SLC14A2: variants seen among roughly 807,000 people sequenced by gnomAD.
SLC14A2 encodes solute carrier family 14 member 2, also known as urea transporter 2.
In SLC14A2, 91 loss-of-function variants were observed where a neutral mutation model predicts 104.6. The observed-to-expected ratio is 0.87, with a 90% confidence interval of 0.73 to 1.04. SLC14A2 has a LOEUF of 1.04. Among genes scored for constraint, SLC14A2 ranks in the 50% least tolerant of loss-of-function variants. The pLI is 0.00. For synonymous variants in SLC14A2, 476 were observed against 466.4 expected, an observed-to-expected ratio of 1.02 and a Z score of -0.27; for missense variants, 1,189 against 1,156.0, an observed-to-expected ratio of 1.03 and a Z score of -0.41.
At chr18:45,190,531 G>A in the SLC14A2 span, among the ~76,000 whole-genome samples, 1 of 152,106 alleles carries the variant, frequency 6.6e-6, no homozygotes, top group South Asian at 2.1e-4. Flanking sequence ...TTGGGTTTGA[G>A]GATTAGCATT....
intron 1 of SLC14A2, among the ~76,000 whole-genome samples, chr18:45,422,979 A>T (rs1016706206): frequency 3.9e-5 from 6 of 152,000 alleles, no homozygotes; most frequent in African/African-American, 1.5e-4. Context: ...TTCTTCCACT[A>T]TCTTACTTTT....
chr18:45,580,888 A>C (rs1344819553), intron 2 of SLC14A2, among the ~76,000 whole-genome samples: 1 of 152,188 alleles, frequency 6.6e-6, no homozygotes, highest in Non-Finnish European at 1.5e-5. Context: ...GCAGGTGAAG[A>C]GGAAACTGCT....
chr18:45,664,300 T>A (rs1007144382), intron 11 of SLC14A2, among the ~76,000 whole-genome samples: 3 of 152,114 alleles, frequency 2.0e-5, no homozygotes, highest in African/African-American at 7.2e-5. Flanking sequence ...GATGAACAGT[T>A]CCCATCTATG....
intron 10 of SLC14A2, 73 bp downstream of exon 10, chr18:45,644,233 G>T: frequency 6.8e-7 from 1 of 1,472,174 alleles, no homozygotes; most frequent in Non-Finnish European, 9.4e-7. Flanking sequence ...CTCTGCTCTG[G>T]TTCAATCAGT....
chr18:45,472,643 T>C (rs1382260416), intron 1 of SLC14A2, among the ~76,000 whole-genome samples: 1 of 152,254 alleles, frequency 6.6e-6, no homozygotes, highest in Non-Finnish European at 1.5e-5. Context: ...TGAGCTTTTT[T>C]TCATATGTTT....
At chr18:45,291,796 T>C (rs552847211) in intron 1 of SLC14A2, among the ~76,000 whole-genome samples, 3 of 149,902 alleles carry the variant, frequency 2.0e-5, no homozygotes, top group East Asian at 4.1e-4. Flanking sequence ...AATCGAATTG[T>C]CGTTGTGCTA....
At chr18:45,289,631 G>T (rs766842348) in intron 1 of SLC14A2, among the ~76,000 whole-genome samples, 4 of 152,106 alleles carry the variant, frequency 2.6e-5, no homozygotes, top group Non-Finnish European at 5.9e-5. Context: ...GTCCCCAAAT[G>T]AAAAACTCCT....
the SLC14A2 span, among the ~76,000 whole-genome samples, chr18:45,173,488 A>G: frequency 8.4e-6 from 1 of 119,196 alleles, no homozygotes; most frequent in South Asian, 2.4e-4. Flanking sequence ...GGGAGAAAAG[A>G]AAAAAAAAAA....
At chr18:45,321,374 A>G (rs952609903) in intron 1 of SLC14A2, among the ~76,000 whole-genome samples, 8 of 152,224 alleles carry the variant, frequency 5.3e-5, no homozygotes, top group Admixed American at 3.9e-4. Flanking sequence ...CACAAGAAAC[A>G]ATAGCTAGGA....
intron 1 of SLC14A2, among the ~76,000 whole-genome samples, chr18:45,621,784 A>G (rs1320178544): frequency 6.6e-6 from 1 of 152,196 alleles, no homozygotes; most frequent in African/African-American, 2.4e-5. Context: ...TGGTCCCATG[A>G]GAGTATGTGA....
intron 1 of SLC14A2, among the ~76,000 whole-genome samples, chr18:45,250,051 C>A (rs1346287660): frequency 6.6e-6 from 1 of 152,072 alleles, no homozygotes; most frequent in Non-Finnish European, 1.5e-5. Context: ...CTCACTAAGG[C>A]CAGATCTTGG....
intron 1 of SLC14A2, among the ~76,000 whole-genome samples, chr18:45,243,859 C>G (rs528549263): frequency 5.0e-4 from 76 of 152,294 alleles, no homozygotes; most frequent in Non-Finnish European, 9.1e-4. Context: ...CACCAAGAAG[C>G]CTTCCGGTTT....
intron 18 of SLC14A2, among the ~76,000 whole-genome samples, chr18:45,675,714 T>A (rs865834079): frequency 0.11 from 7,091 of 67,012 alleles, 150 homozygotes; most frequent in African/African-American, 0.14. Flanking sequence ...TATATATTTT[T>A]TTTTTTTTTT....
At chr18:45,673,550 C>T in intron 17 of SLC14A2, 133 bp from the exon 18 acceptor site, 10 of 958,816 alleles carry the variant, frequency 1.0e-5, no homozygotes, top group Middle Eastern at 2.4e-4. Context: ...AGAATAAAGC[C>T]AGAAGTCCTT....
intron 1 of SLC14A2, among the ~76,000 whole-genome samples, chr18:45,397,640 T>A (rs985198490): frequency 2.0e-5 from 3 of 152,222 alleles, no homozygotes; most frequent in African/African-American, 7.2e-5. Context: ...TGATAGTTTC[T>A]TTGGCTGTGC....
the SLC14A2 span, among the ~76,000 whole-genome samples, chr18:45,205,856 A>C: frequency 6.6e-6 from 1 of 152,194 alleles, no homozygotes; most frequent in African/African-American, 2.4e-5. Flanking sequence ...TCAACAAAGG[A>C]ATCTGTTGCT....
At chr18:45,228,787 C>T (rs543674592) in intron 1 of SLC14A2, among the ~76,000 whole-genome samples, 3 of 152,278 alleles carry the variant, frequency 2.0e-5, no homozygotes, top group South Asian at 4.1e-4. Flanking sequence ...GAAAGCTAAT[C>T]GTGTTCAACA....
At chr18:45,393,692 C>T (rs1160013590) in intron 1 of SLC14A2, among the ~76,000 whole-genome samples, 1 of 152,168 alleles carries the variant, frequency 6.6e-6, no homozygotes, top group Admixed American at 6.5e-5. Flanking sequence ...GGGGAAGCAC[C>T]TTGCTTGCTC....
At chr18:45,173,920 A>G in the SLC14A2 span, among the ~76,000 whole-genome samples, 1 of 152,146 alleles carries the variant, frequency 6.6e-6, no homozygotes, top group African/African-American at 2.4e-5. Context: ...ACACATAGCT[A>G]ATAAGTGACA....
Sources: allele counts gnomAD v4.1 joint callset (sites outside exome capture counted in the v4.1 genomes callset), GRCh38; gene constraint gnomAD v4.1.1; transcripts MANE v1.5; gene names NCBI Gene and HGNC (gene_info 2026-07-23, HGNC 2026-07-21).